The following PPFIA2 variants were observed in gnomAD, a reference collection of about 807,000 sequenced individuals.
The protein encoded by PPFIA2 is liprin-alpha-2.
PPFIA2 carries 46 observed loss-of-function variants against 175.5 expected under a neutral mutation model. The observed-to-expected ratio is 0.26, with a 90% CI of 0.21 to 0.34. The LOEUF is 0.34. Ranked by LOEUF, PPFIA2 falls within the 10% of genes least tolerant of loss-of-function variation. The probability of loss-of-function intolerance (pLI) is 1.00; values close to 1 mark genes in which losing one functional copy is unlikely to be tolerated. For missense variants in PPFIA2, 1,179 were observed against 1,506.1 expected, an observed-to-expected ratio of 0.78 and a Z score of 3.60; for synonymous variants, 568 against 511.4, an observed-to-expected ratio of 1.11 and a Z score of -1.49.
At chr12:81,593,486 A>G (rs2058906943) in intron 4 of PPFIA2, among the ~76,000 whole-genome samples, 1 of 152,222 alleles carries the variant, frequency 6.6e-6, no homozygotes, top group Admixed American at 6.5e-5. Context: ...TAATAGGTAA[A>G]TCATTTATTT....
intron 30 of PPFIA2, 136 bp from the exon 31 acceptor site, chr12:81,263,526 T>A: frequency 1.5e-6 from 1 of 652,386 alleles, no homozygotes; most frequent in South Asian, 3.7e-5. Flanking sequence ...TCACGCTTTA[T>A]CAAGATAGTT....
chr12:81,345,867 T>C (rs558442827), intron 18 of PPFIA2, among the ~76,000 whole-genome samples: 1 of 152,272 alleles, frequency 6.6e-6, no homozygotes, highest in Admixed American at 6.5e-5. Flanking sequence ...GTTCCGTATG[T>C]TTGGTTAGTA....
At chr12:81,632,031 T>G (rs2063451664) in intron 4 of PPFIA2, among the ~76,000 whole-genome samples, 1 of 152,198 alleles carries the variant, frequency 6.6e-6, no homozygotes, top group Non-Finnish European at 1.5e-5. Context: ...ATTCCATATA[T>G]TTTACTTTTA....
At chr12:81,447,985 T>C (rs145223326) in intron 5 of PPFIA2, among the ~76,000 whole-genome samples, 71 of 152,294 alleles carry the variant, frequency 4.7e-4, no homozygotes, top group Non-Finnish European at 7.1e-4. Flanking sequence ...ATGAAACCTT[T>C]ACAACACAAT....
At chr12:81,756,360 AAGCATAACAGC>A (rs1429427546) in intron 2 of PPFIA2, among the ~76,000 whole-genome samples, 1 of 152,144 alleles carries the variant, frequency 6.6e-6, no homozygotes, top group Non-Finnish European at 1.5e-5. Flanking sequence ...TTCCAAGGCA[AAGCATAACAGC>A]AGTGAATACC....
At chr12:81,530,601 C>T (rs533692671) in intron 4 of PPFIA2, among the ~76,000 whole-genome samples, 31 of 151,880 alleles carry the variant, frequency 2.0e-4, no homozygotes, top group African/African-American at 6.3e-4. Context: ...AAAAACCACT[C>T]GGAATGTCCA....
intron 4 of PPFIA2, among the ~76,000 whole-genome samples, chr12:81,627,110 G>C (rs1359839662): frequency 1.3e-5 from 2 of 151,966 alleles, no homozygotes; most frequent in African/African-American, 4.8e-5. Context: ...GTTATCAGAG[G>C]CTGACAAGGG....
chr12:81,570,302 T>C (rs2072260942), intron 4 of PPFIA2, among the ~76,000 whole-genome samples: 1 of 152,200 alleles, frequency 6.6e-6, no homozygotes, highest in Non-Finnish European at 1.5e-5. Context: ...ATGTTGATAA[T>C]ATTTTTTTCA....
chr12:81,443,855 T>C (rs2050708998), intron 6 of PPFIA2, among the ~76,000 whole-genome samples: 2 of 126,238 alleles, frequency 1.6e-5, no homozygotes, highest in African/African-American at 5.9e-5. Context: ...CTTTTTTTTT[T>C]TTTTTTTTTT....
At chr12:81,472,775 A>C (rs1367469526) in intron 4 of PPFIA2, 1 of 152,116 alleles carries the variant, frequency 6.6e-6, no homozygotes, top group Admixed American at 6.5e-5. Context: ...AACAAAAAAA[A>C]CTAAAAACAA....
rs575319359 is a variant in PPFIA2, at chr12:81,757,367, T to A, written c.-3+1033A>T. On this transcript the variant is annotated intron_variant, in intron 2 of 32. Transcript: ENST00000549396. ...AAGCCAGAAAGGGCATTTTAACAATTTGCCTTGATATTTGCTTTTTCATCA... is the reference window on the plus strand; with the variant it reads ...AAGCCAGAAAGGGCATTTTAACAATATGCCTTGATATTTGCTTTTTCATCA... 3.3e-5 allele frequency among the ~76,000 whole-genome samples: 5 copies of A among 152,304 alleles called. No homozygotes were observed. In the South Asian group the frequency reaches 1.0e-3, roughly 32 times the overall value.
chr12:81,618,039 T>G (rs991428586), intron 4 of PPFIA2, among the ~76,000 whole-genome samples: 1 of 152,202 alleles, frequency 6.6e-6, no homozygotes, highest in Non-Finnish European at 1.5e-5. Flanking sequence ...TCAGGGCATT[T>G]GCAGTTGCTG....
intron 4 of PPFIA2, among the ~76,000 whole-genome samples, chr12:81,570,060 A>G (rs2072198855): frequency 6.6e-6 from 1 of 152,182 alleles, no homozygotes; most frequent in Non-Finnish European, 1.5e-5. Flanking sequence ...CCAGCAAAGC[A>G]AGTGTTCACT....
At chr12:81,721,242 T>C (rs1351926632) in intron 3 of PPFIA2, among the ~76,000 whole-genome samples, 1 of 151,320 alleles carries the variant, frequency 6.6e-6, no homozygotes, top group Non-Finnish European at 1.5e-5. Flanking sequence ...GAGGTTTTCC[T>C]AGAAAAATTT....
Position 81,660,482 on chromosome 12 carries a change from A to G in PPFIA2, c.303+16309T>C, listed in dbSNP as rs1483358068. Among the ~76,000 whole-genome samples the G allele has an allele frequency of 3.9e-5, 6 of 152,322 alleles. No individual in the cohort carries two copies. In the South Asian group the frequency reaches 1.2e-3, roughly 32 times the overall value. ...ATGAAATGAATGAAATGAAGTGAGA[A>G]GAGAAGTTCAGAGAAAAAAGAATAA... On this transcript the variant is annotated intron_variant, in intron 4 of 32. Coordinates refer to ENST00000549396, the MANE Select transcript of PPFIA2 (RefSeq NM_003625.5).
chr12:81,304,496 CT>C (rs2048663932), intron 22 of PPFIA2, among the ~76,000 whole-genome samples: 1 of 152,136 alleles, frequency 6.6e-6, no homozygotes, highest in African/African-American at 2.4e-5. Flanking sequence ...GTAAAATAGA[CT>C]AAGGCAGTAA....
At chr12:81,658,713 A>G (rs938383998) in intron 4 of PPFIA2, among the ~76,000 whole-genome samples, 4 of 151,984 alleles carry the variant, frequency 2.6e-5, no homozygotes, top group African/African-American at 7.2e-5. Flanking sequence ...TATGTTACAT[A>G]TGTTTTATAT....
chr12:81,543,011 T>C (rs1171629568), intron 4 of PPFIA2, among the ~76,000 whole-genome samples: 1 of 152,148 alleles, frequency 6.6e-6, no homozygotes, highest in Non-Finnish European at 1.5e-5. Context: ...CCATTTGTTT[T>C]AAGGAGAATT....
chr12:81,270,105 T>C (rs1293291925), intron 28 of PPFIA2, among the ~76,000 whole-genome samples: 1 of 152,234 alleles, frequency 6.6e-6, no homozygotes, highest in East Asian at 1.9e-4. Flanking sequence ...GCTTTGAATA[T>C]TGTTATACAT....
Sources: gnomAD v4.1 joint callset for allele counts (sites outside exome capture counted in the v4.1 genomes callset) on GRCh38, gnomAD v4.1.1 for gene constraint, MANE v1.5 for transcripts, NCBI Gene and HGNC (gene_info 2026-07-23, HGNC 2026-07-21) for gene names.